The following PTPRD variants were observed in gnomAD, a reference collection of about 807,000 sequenced individuals.
PTPRD encodes protein tyrosine phosphatase receptor type D, also known as receptor-type tyrosine-protein phosphatase delta.
In PTPRD, 34 loss-of-function variants were observed where a neutral mutation model predicts 214.5. That is an observed-to-expected ratio of 0.16 (90% CI 0.12 to 0.21). PTPRD has a LOEUF of 0.21. Ranked by LOEUF, PTPRD falls within the 10% of genes least tolerant of loss-of-function variation. The probability of loss-of-function intolerance (pLI) is 1.00; values close to 1 mark genes in which losing one functional copy is unlikely to be tolerated. For synonymous variants in PTPRD, 1,128 were observed against 845.7 expected (o/e 1.33, Z -5.79); for missense variants, 2,545 against 2,398.7 (o/e 1.06, Z -1.27).
chr9:10,452,900 A>G (rs2098853729), intron 2 of PTPRD, among the ~76,000 whole-genome samples: 1 of 151,738 alleles, frequency 6.6e-6, no homozygotes, highest in African/African-American at 2.4e-5. Flanking sequence ...ATCACTGTGA[A>G]GAGCATATCA....
chr9:9,316,839 G>C lies in PTPRD; in HGVS notation c.-203+80610C>G, dbSNP rs561921180. ...GGACTACGTGGTAATTCTTTTATGAGTCTTCAGTGAATGATCTGTGATTTG... is the reference window on the plus strand; with the variant it reads ...GGACTACGTGGTAATTCTTTTATGACTCTTCAGTGAATGATCTGTGATTTG... On this transcript the variant is annotated intron_variant, in intron 9 of 45. Transcript: ENST00000381196. Among the ~76,000 whole-genome samples the C allele has an allele frequency of 4.6e-5, 7 of 152,218 alleles. No homozygotes were observed. In the South Asian group the frequency reaches 1.5e-3, roughly 32 times the overall value.
chr9:9,382,003 T>C (rs960915247), intron 9 of PTPRD, among the ~76,000 whole-genome samples: 8 of 152,236 alleles, frequency 5.3e-5, no homozygotes, highest in Middle Eastern at 3.4e-3. Context: ...AATTCTCCAA[T>C]CCATGAACTC....
intron 11 of PTPRD, among the ~76,000 whole-genome samples, chr9:8,820,476 T>C (rs1277673745): frequency 6.6e-6 from 1 of 152,196 alleles, no homozygotes; most frequent in African/African-American, 2.4e-5. Flanking sequence ...TAGTTAATTA[T>C]AAAATGTCAG....
intron 3 of PTPRD, among the ~76,000 whole-genome samples, chr9:10,105,554 G>A (rs2098618842): frequency 6.6e-6 from 1 of 151,736 alleles, no homozygotes; most frequent in Non-Finnish European, 1.5e-5. Flanking sequence ...AGTTCAGTTA[G>A]ATGACTTCTC....
rs143424438 is a variant in PTPRD, at chr9:8,773,291, T to C, written c.-103-39345A>G. ...TGTATAGCTATCTGTCCTGGTACTATGTCCTGCAGACTCCAGCTGCCTTAG... is the reference window on the plus strand; with the variant it reads ...TGTATAGCTATCTGTCCTGGTACTACGTCCTGCAGACTCCAGCTGCCTTAG... On this transcript the variant is annotated intron_variant, in intron 11 of 45. Coordinates refer to ENST00000381196, the MANE Select transcript of PTPRD (RefSeq NM_002839.4). Among the ~76,000 whole-genome samples the C allele has an allele frequency of 9.7e-3, 1,478 of 152,318 alleles. 16 individuals carry two copies. The highest frequency in any genetic ancestry group is 0.034 in the African/African-American group (1,401 of 41,572).
At chr9:9,567,184 C>G (rs895908349) in intron 8 of PTPRD, among the ~76,000 whole-genome samples, 2 of 151,852 alleles carry the variant, frequency 1.3e-5, no homozygotes, top group African/African-American at 2.4e-5. Context: ...AATAGCAGTA[C>G]CTTTTCTGTC....
chr9:8,404,501 AAAATAAAG>A, intron 36 of PTPRD, 28 bp downstream of exon 36: 3 of 1,589,254 alleles, frequency 1.9e-6, no homozygotes, highest in Non-Finnish European at 2.6e-6. Flanking sequence ...CAAATCCATG[AAAATAAAG>A]GTATCAGTGA....
chr9:8,608,061 A>G (rs960955475), intron 14 of PTPRD, among the ~76,000 whole-genome samples: 4 of 151,962 alleles, frequency 2.6e-5, no homozygotes, highest in East Asian at 1.9e-4. Flanking sequence ...AACCCAGTAC[A>G]CTGTTTTTCC....
At chr9:8,552,073 C>G (rs1053254074) in intron 14 of PTPRD, among the ~76,000 whole-genome samples, 2 of 152,166 alleles carry the variant, frequency 1.3e-5, no homozygotes, top group African/African-American at 4.8e-5. Context: ...TATCAATGAC[C>G]TGGACCAGAG....
intron 43 of PTPRD, among the ~76,000 whole-genome samples, chr9:8,335,421 G>C (rs1352205955): frequency 6.6e-6 from 1 of 152,100 alleles, no homozygotes; most frequent in African/African-American, 2.4e-5. Flanking sequence ...ATGCAGAAAA[G>C]GCCTTTGGCA....
chr9:10,573,922 A>T (rs1242084389), intron 2 of PTPRD, among the ~76,000 whole-genome samples: 1 of 152,096 alleles, frequency 6.6e-6, no homozygotes, highest in Non-Finnish European at 1.5e-5. Flanking sequence ...CTGCACATGT[A>T]CCTTAAAACT....
intron 14 of PTPRD, among the ~76,000 whole-genome samples, chr9:8,529,730 G>T (rs1366823414): frequency 1.3e-5 from 2 of 152,126 alleles, no homozygotes; most frequent in East Asian, 3.9e-4. Flanking sequence ...AGCATCGAAA[G>T]AATTTTAGTT....
intron 5 of PTPRD, among the ~76,000 whole-genome samples, chr9:9,849,226 G>T (rs1016854604): frequency 1.3e-5 from 2 of 152,002 alleles, no homozygotes; most frequent in Non-Finnish European, 2.9e-5. Context: ...GATCCCAAAG[G>T]ATCACGCTGT....
At chr9:8,746,129 G>A (rs1287292064) in intron 11 of PTPRD, among the ~76,000 whole-genome samples, 2 of 151,772 alleles carry the variant, frequency 1.3e-5, no homozygotes, top group African/African-American at 4.8e-5. Context: ...TTAAATGTCA[G>A]CAAGGACATA....
At chr9:9,602,271 A>G (rs528339427) in intron 7 of PTPRD, among the ~76,000 whole-genome samples, 2 of 152,188 alleles carry the variant, frequency 1.3e-5, no homozygotes, top group Non-Finnish European at 2.9e-5. Flanking sequence ...GCATTATACA[A>G]ATGATTTAGG....
chr9:10,307,851 C>A (rs1301378398), intron 3 of PTPRD, among the ~76,000 whole-genome samples: 1 of 151,588 alleles, frequency 6.6e-6, no homozygotes, highest in Non-Finnish European at 1.5e-5. Flanking sequence ...TAATTTTGTG[C>A]CATTTGTATG....
intron 5 of PTPRD, among the ~76,000 whole-genome samples, chr9:9,820,773 T>A (rs188693195): frequency 1.3e-5 from 2 of 152,248 alleles, no homozygotes; most frequent in East Asian, 3.9e-4. Flanking sequence ...GTCAGCTTCA[T>A]TGTATATCAG....
chr9:9,221,613 A>G lies in PTPRD; in HGVS notation c.-202-38250T>C, dbSNP rs566267252. Among the ~76,000 whole-genome samples, 64 of 152,102 alleles carry G rather than the reference A, an allele frequency of 4.2e-4. 1 individual carries two copies. The highest frequency in any genetic ancestry group is 2.7e-3 in the South Asian group (13 of 4,824). On this transcript the variant is annotated intron_variant, in intron 9 of 45. Transcript: ENST00000381196. ...AGACAGAGAGTGACCTCTCTAGTGT[A>G]TATTTTCATAAGGACCCCAATCTGT...
intron 9 of PTPRD, among the ~76,000 whole-genome samples, chr9:9,272,493 A>G (rs1306881190): frequency 6.6e-6 from 1 of 151,268 alleles, no homozygotes; most frequent in Non-Finnish European, 1.5e-5. Flanking sequence ...TCCTGATCAC[A>G]GGGACTGAGC....
Sources: gnomAD v4.1 joint callset for allele counts (sites outside exome capture counted in the v4.1 genomes callset) on GRCh38, gnomAD v4.1.1 for gene constraint, MANE v1.5 for transcripts, NCBI Gene and HGNC (gene_info 2026-07-23, HGNC 2026-07-21) for gene names.